The following THSD7B variants were observed in gnomAD, a reference collection of about 807,000 sequenced individuals.
THSD7B encodes thrombospondin type-1 domain-containing protein 7B.
A neutral mutation model predicts 213.6 loss-of-function variants in THSD7B; 138 were observed. The ratio of observed to expected loss-of-function variants is 0.65; its 90% CI spans 0.56 to 0.74. The LOEUF (loss-of-function observed/expected upper bound fraction) is 0.74. THSD7B is among the 30% of genes least tolerant of loss of function. The pLI, the probability that THSD7B is intolerant of heterozygous loss-of-function variation, is 0.00. For missense variants in THSD7B, 1,931 were observed against 1,991.5 expected, an observed-to-expected ratio of 0.97 and a Z score of 0.58; for synonymous variants, 742 against 687.0, an observed-to-expected ratio of 1.08 and a Z score of -1.25.
At chr2:137,229,945 G>C (rs1335316276) in intron 7 of THSD7B, among the ~76,000 whole-genome samples, 1 of 152,112 alleles carries the variant, frequency 6.6e-6, no homozygotes. Flanking sequence ...ATCATGACAA[G>C]AGAATTTCAA....
At position 137,342,669 on chromosome 2, in the gene THSD7B, G is replaced by A. The variant is rs1684786886; in HGVS notation, c.2501-62944G>A. On this transcript the variant is annotated intron_variant, in intron 12 of 27. Coordinates refer to ENST00000409968, the MANE Select transcript of THSD7B (RefSeq NM_001316349.2). ...GCTTCTCATATATGGCCTTTATTGT[G>A]TGTAGATGCATTCCTTCTATACCTA... 3.3e-5 allele frequency among the ~76,000 whole-genome samples: 5 copies of A among 150,804 alleles called. No homozygotes were observed. In the South Asian group the frequency reaches 1.0e-3, roughly 32 times the overall value.
chr2:136,979,660 C>G (rs1482958066), intron 2 of THSD7B, among the ~76,000 whole-genome samples: 1 of 152,154 alleles, frequency 6.6e-6, no homozygotes, highest in East Asian at 1.9e-4. Context: ...ACTGCTTATT[C>G]TGGTTAACAG....
chr2:137,646,801 T>A (rs1373472446), intron 21 of THSD7B, among the ~76,000 whole-genome samples: 1 of 152,106 alleles, frequency 6.6e-6, no homozygotes, highest in African/African-American at 2.4e-5. Flanking sequence ...ATGAACAGAC[T>A]AAGAGACTAT....
intron 2 of THSD7B, among the ~76,000 whole-genome samples, chr2:137,001,429 CA>C (rs1405685930): frequency 6.6e-6 from 1 of 152,088 alleles, no homozygotes; most frequent in Non-Finnish European, 1.5e-5. Flanking sequence ...AGGAAAGGTT[CA>C]ATAAGTGTTA....
intron 15 of THSD7B, among the ~76,000 whole-genome samples, chr2:137,454,599 T>G (rs1400125997): frequency 1.3e-5 from 2 of 152,162 alleles, no homozygotes; most frequent in African/African-American, 4.8e-5. Flanking sequence ...TTGTTTGATG[T>G]TATTCATATT....
intron 3 of THSD7B, among the ~76,000 whole-genome samples, chr2:137,090,966 G>A (rs1687938427): frequency 6.6e-6 from 1 of 152,090 alleles, no homozygotes. Context: ...TCCTTTTACT[G>A]TTCCAGAAAA....
intron 12 of THSD7B, among the ~76,000 whole-genome samples, chr2:137,364,999 T>C (rs1326754287): frequency 6.6e-6 from 1 of 151,836 alleles, no homozygotes; most frequent in East Asian, 1.9e-4. Flanking sequence ...TATACTACAA[T>C]GCTACAGCAC....
At chr2:136,828,138 A>T (rs1005107819) in intron 1 of THSD7B, among the ~76,000 whole-genome samples, 2 of 152,070 alleles carry the variant, frequency 1.3e-5, no homozygotes, top group Non-Finnish European at 2.9e-5. Flanking sequence ...CTGACCCCAC[A>T]TGCCACCTGA....
At chr2:136,869,192 A>C (rs1194861714) in intron 1 of THSD7B, among the ~76,000 whole-genome samples, 5 of 152,146 alleles carry the variant, frequency 3.3e-5, no homozygotes, top group Non-Finnish European at 7.4e-5. Flanking sequence ...GGATATTCGT[A>C]ATGTATTTAT....
At chr2:136,817,682 G>C (rs1365346781) in intron 1 of THSD7B, among the ~76,000 whole-genome samples, 1 of 151,880 alleles carries the variant, frequency 6.6e-6, no homozygotes, top group Non-Finnish European at 1.5e-5. Flanking sequence ...TAGATATGCG[G>C]CTCAAACAAA....
intron 15 of THSD7B, among the ~76,000 whole-genome samples, chr2:137,504,036 A>AG (rs1491459150): frequency 1.3e-5 from 2 of 149,682 alleles, no homozygotes; most frequent in Non-Finnish European, 3.0e-5. Context: ...AAAAAAAAAA[A>AG]GAAAAAAAAA....
In THSD7B at chr2:137,243,039, C is replaced by T. The variant is rs758425955; in HGVS notation, c.2266+467C>T. On this transcript the variant is annotated intron_variant, in intron 10 of 27. Transcript: ENST00000409968. ...TACATTACAAAGTGTTGAACAAGTA[C>T]AGAAATTGGCAATATATGATTTGTA... is the stretch of plus-strand genomic sequence containing the variant. Among the ~76,000 whole-genome samples, 35 of 152,170 alleles carry T rather than the reference C, an allele frequency of 2.3e-4. 1 individual carries two copies. The highest frequency in any genetic ancestry group is 1.5e-4 in the Non-Finnish European group (10 of 68,030).
At chr2:136,964,119 G>T (rs769242322) in intron 2 of THSD7B, among the ~76,000 whole-genome samples, 4 of 152,198 alleles carry the variant, frequency 2.6e-5, no homozygotes, top group Non-Finnish European at 5.9e-5. Flanking sequence ...ACAGGAACAA[G>T]ATTTTACCAC....
intron 19 of THSD7B, 150 bp from the exon 20 acceptor site, chr2:137,620,459 C>A: frequency 1.7e-6 from 1 of 574,702 alleles, no homozygotes; most frequent in East Asian, 3.0e-5. Context: ...CTATGATTGT[C>A]ACCAATTTAT....
chr2:137,419,561 G>C (rs1182824377), intron 14 of THSD7B, among the ~76,000 whole-genome samples: 1 of 151,578 alleles, frequency 6.6e-6, no homozygotes, highest in Admixed American at 6.6e-5. Context: ...TTCAGAATGG[G>C]GCGTGTGTAC....
chr2:137,193,056 C>G (rs566166018), intron 7 of THSD7B, among the ~76,000 whole-genome samples: 8 of 152,138 alleles, frequency 5.3e-5, no homozygotes, highest in Middle Eastern at 6.8e-3. Flanking sequence ...AACAGTTCAG[C>G]ATGTATTGAG....
intron 15 of THSD7B, among the ~76,000 whole-genome samples, chr2:137,488,800 A>T (rs778882497): frequency 4.6e-5 from 7 of 152,220 alleles, no homozygotes; most frequent in Non-Finnish European, 8.8e-5. Context: ...ATGTTAGAGA[A>T]GAAAGAACTT....
Position 137,223,247 on chromosome 2 carries a change from T to G in THSD7B, c.1724-7797T>G, listed in dbSNP as rs116620504. Among the ~76,000 whole-genome samples the G allele has an allele frequency of 3.7e-3, 559 of 152,270 alleles. 5 individuals carry two copies. Among genetic ancestry groups the G allele is most frequent in the African/African-American group, 0.013 (534 of 41,548 alleles). On this transcript the variant is annotated intron_variant, in intron 7 of 27. Transcript: ENST00000409968. ...ACCAGAAGATAGGAAAACTGTGTCATGGACCCTAGAAATTCGCAGTGGCTG... is the reference window on the plus strand; with the variant it reads ...ACCAGAAGATAGGAAAACTGTGTCAGGGACCCTAGAAATTCGCAGTGGCTG...
Position 136,912,142 on chromosome 2 carries a change from C to G in THSD7B, c.139+29825C>G, listed in dbSNP as rs557457363. Among the ~76,000 whole-genome samples, 4 of 151,752 alleles carry G rather than the reference C, an allele frequency of 2.6e-5. No homozygotes were observed. In the East Asian group the frequency reaches 7.8e-4, roughly 30 times the overall value. ...AGCCTGGGCAACATGGCACACATGG[C>G]AAAACCCCATCTCTACTAAAAATAC... On this transcript the variant is annotated intron_variant, in intron 2 of 27. Transcript: ENST00000409968.
Sources: gnomAD v4.1 joint callset for allele counts (sites outside exome capture counted in the v4.1 genomes callset) on GRCh38, gnomAD v4.1.1 for gene constraint, MANE v1.5 for transcripts, NCBI Gene and HGNC (gene_info 2026-07-23, HGNC 2026-07-21) for gene names.